Variants in ECHDC2 observed in about 807,000 individuals in gnomAD.
ECHDC2 encodes the protein enoyl-CoA hydratase domain containing 2.
Under a neutral mutation model 40.6 loss-of-function variants are expected in ECHDC2, and 34 were observed. The observed-to-expected ratio is 0.84, with a 90% confidence interval of 0.64 to 1.11. The LOEUF (loss-of-function observed/expected upper bound fraction) is 1.11. Among genes scored for constraint, ECHDC2 ranks in the 50% most tolerant of loss-of-function variants. ECHDC2 has a pLI of 0.00. For missense variants in ECHDC2, 392 were observed against 400.7 expected, an observed-to-expected ratio of 0.98 and a Z score of 0.19; for synonymous variants, 162 against 166.6, an observed-to-expected ratio of 0.97 and a Z score of 0.21.
intron 3 of ECHDC2, among the ~76,000 whole-genome samples, chr1:52,910,352 G>GTTT (rs869088329): frequency 0.01 from 329 of 32,108 alleles, 104 homozygotes; most frequent in East Asian, 0.04. Context: ...CCACAATTTC[G>GTTT]TTTTTTTTTT....
rs1052490289 is a variant in ECHDC2, at chr1:52,907,728, A to T, written c.364+140T>A. 53 of 703,884 alleles carry T rather than the reference A, an allele frequency of 7.5e-5. No individual in the cohort carries two copies. In the African/African-American group the frequency reaches 8.8e-4, roughly 12 times the overall value. 43.6% of individuals were successfully genotyped at this position (703,884 alleles called of 1,614,324 possible). ...GAACTGCCCTCGGTCATCCTCCTCC[A>T]TCCCCCTGGGTGAGTCATCTGTCTT... On this transcript the variant is annotated intron_variant, in intron 4 of 9. Transcript: ENST00000371522.
In ECHDC2 at chr1:52,908,012, AG is replaced by A. The variant is rs1304377783; in HGVS notation, c.278-59del. The A allele has an allele frequency of 4.0e-6, 6 of 1,518,986 alleles. No homozygotes were observed. In the African/African-American group the frequency reaches 6.9e-5, roughly 17 times the overall value. 94.1% of individuals were successfully genotyped at this position (1,518,986 alleles called of 1,614,324 possible). On this transcript the variant is annotated intron_variant, in intron 3 of 9. Coordinates refer to ENST00000371522, the MANE Select transcript of ECHDC2 (RefSeq NM_001198961.2). ...GGAAAATGGCACTTTACGGAATCCC[AG>A]GCGGTTAAAGGATCCAGCAAAGAAG...
chr1:52,908,354 A>G (rs955231898), intron 3 of ECHDC2, among the ~76,000 whole-genome samples: 1 of 151,988 alleles, frequency 6.6e-6, no homozygotes, highest in African/African-American at 2.4e-5. Flanking sequence ...TACAAAAATC[A>G]GCCAGGTGTG....
chr1:52,905,140 G>T, intron 5 of ECHDC2, 50 bp from the exon 6 acceptor site: 1 of 1,601,578 alleles, frequency 6.2e-7, no homozygotes, highest in Non-Finnish European at 8.5e-7. Flanking sequence ...CGGTCCCCCA[G>T]TGCTAATCCC....
In ECHDC2 at chr1:52,903,469, CA is replaced by C. The variant is rs540953012; in HGVS notation, c.702+1176del. On this transcript the variant is annotated intron_variant, in intron 7 of 9. Transcript: ENST00000371522. ...TTTGTTTTTGTTTGTTTGTTTTTAG[CA>C]ACGGGATTTTGCTTTGTTGCCCAGG... is the stretch of plus-strand genomic sequence containing the variant. Among the ~76,000 whole-genome samples the C allele has an allele frequency of 3.4e-4, 52 of 151,868 alleles. 1 individual carries two copies. In the South Asian group the frequency reaches 0.011, roughly 31 times the overall value.
At chr1:52,919,862 G>A (rs1324769532) in intron 1 of ECHDC2, among the ~76,000 whole-genome samples, 1 of 152,156 alleles carries the variant, frequency 6.6e-6, no homozygotes, top group Non-Finnish European at 1.5e-5. Flanking sequence ...CTCTGGCAGG[G>A]GCAGAGGCTT....
intron 1 of ECHDC2, among the ~76,000 whole-genome samples, chr1:52,919,614 T>A (rs536223306): frequency 6.6e-6 from 1 of 152,164 alleles, no homozygotes; most frequent in Non-Finnish European, 1.5e-5. Context: ...CTAAGAACAG[T>A]GAAGAATGGT....
intron 1 of ECHDC2, chr1:52,913,944 T>A (rs1334271574): frequency 8.6e-7 from 1 of 1,167,378 alleles, no homozygotes; most frequent in African/African-American, 1.6e-5. Context: ...TCTGCCCAAT[T>A]ATTTTAAGTG....
At chr1:52,915,561 T>G (rs1470889764) in intron 1 of ECHDC2, among the ~76,000 whole-genome samples, 1 of 152,076 alleles carries the variant, frequency 6.6e-6, no homozygotes, top group Non-Finnish European at 1.5e-5. Flanking sequence ...CCAGCTCCAG[T>G]GCTCCAGGAG....
At chr1:52,897,296 G>A in intron 9 of ECHDC2, 141 bp downstream of exon 9, 2 of 856,692 alleles carry the variant, frequency 2.3e-6, no homozygotes, top group Non-Finnish European at 3.9e-6. Flanking sequence ...AGCCACTCCA[G>A]GTGACTTATG....
intron 1 of ECHDC2, among the ~76,000 whole-genome samples, chr1:52,918,294 G>A (rs993603262): frequency 1.3e-4 from 20 of 151,834 alleles, no homozygotes; most frequent in Middle Eastern, 3.4e-3. Context: ...CAACGTGCTG[G>A]GATTACAAGA....
intron 9 of ECHDC2, chr1:52,897,081 A>G: frequency 2.6e-6 from 1 of 385,584 alleles, no homozygotes; most frequent in South Asian, 3.9e-5. Context: ...TACATTGAAC[A>G]CAGCCTGCAG....
intron 1 of ECHDC2, chr1:52,920,564 C>T (rs1651647827): frequency 1.5e-6 from 2 of 1,362,634 alleles, no homozygotes; most frequent in Non-Finnish European, 2.1e-6. Context: ...GGCCCTTGGC[C>T]ACAAGTGGAA....
At chr1:52,919,271 G>T (rs943121982) in intron 1 of ECHDC2, among the ~76,000 whole-genome samples, 1 of 152,140 alleles carries the variant, frequency 6.6e-6, no homozygotes, top group South Asian at 2.1e-4. Context: ...AGTCCTGCAA[G>T]CTCCATTTAT....
chr1:52,918,103 A>G (rs1557521142), intron 1 of ECHDC2, among the ~76,000 whole-genome samples: 1 of 152,216 alleles, frequency 6.6e-6, no homozygotes, highest in Non-Finnish European at 1.5e-5. Flanking sequence ...GATATTGGAC[A>G]GCCTTGACCT....
In ECHDC2 at chr1:52,897,429, C is replaced by T; in HGVS notation, c.801+8G>A. 6.2e-7 allele frequency: 1 copy of T among 1,614,084 alleles called. No individual in the cohort carries two copies. The highest frequency in any genetic ancestry group is 8.5e-7 in the Non-Finnish European group (1 of 1,179,944). On this transcript the variant is annotated splice_region_variant and intron_variant, in intron 9 of 9. Coordinates refer to ENST00000371522, the MANE Select transcript of ECHDC2 (RefSeq NM_001198961.2). ...TTAACAAGCAGGCATGGGCTGGTTGCTACATACCTGGGCATAGCACATCCC... is the reference window on the plus strand; with the variant it reads ...TTAACAAGCAGGCATGGGCTGGTTGTTACATACCTGGGCATAGCACATCCC...
intron 1 of ECHDC2, among the ~76,000 whole-genome samples, chr1:52,916,843 A>G (rs1650784899): frequency 1.3e-5 from 2 of 152,140 alleles, no homozygotes; most frequent in South Asian, 2.1e-4. Context: ...TACCAAACCT[A>G]CCATACCACT....
At chr1:52,903,825 T>TC (rs1482173729) in intron 7 of ECHDC2, among the ~76,000 whole-genome samples, 1 of 142,318 alleles carries the variant, frequency 7.0e-6, no homozygotes, top group African/African-American at 2.6e-5. Context: ...TTCTTTCTTT[T>TC]TTTTTTTTTT....
chr1:52,920,563 C>A, intron 1 of ECHDC2: 5 of 1,364,210 alleles, frequency 3.7e-6, no homozygotes, highest in Non-Finnish European at 5.2e-6. Flanking sequence ...GGGCCCTTGG[C>A]CACAAGTGGA....
Sources: allele counts gnomAD v4.1 joint callset (sites outside exome capture counted in the v4.1 genomes callset), GRCh38; gene constraint gnomAD v4.1.1; transcripts MANE v1.5; gene names NCBI Gene and HGNC (gene_info 2026-07-23, HGNC 2026-07-21).